COL6A5: variants seen among roughly 807,000 people sequenced by gnomAD.
COL6A5 encodes the protein collagen type VI alpha 5 chain.
A neutral mutation model predicts 65.6 loss-of-function variants in COL6A5; 48 were observed. The observed-to-expected ratio is 0.73, with a 90% CI of 0.58 to 0.93. The LOEUF is 0.93. COL6A5 is among the 40% of genes least tolerant of loss of function. The pLI, the probability that COL6A5 is intolerant of heterozygous loss-of-function variation, is 0.00. For missense variants in COL6A5, 914 were observed against 928.3 expected (o/e 0.98, Z 0.20); for synonymous variants, 291 against 322.8 (o/e 0.90, Z 1.05).
chr3:130,376,918 T>C (rs540088028), intron 3 of COL6A5, 82 bp downstream of exon 3: 14 of 1,388,584 alleles, frequency 1.0e-5, no homozygotes, highest in Non-Finnish European at 1.2e-5. Context: ...CAACTCATGT[T>C]AGGTTTTCAT....
chr3:130,384,247 G>A (rs1240754648), intron 4 of COL6A5, among the ~76,000 whole-genome samples: 2 of 151,996 alleles, frequency 1.3e-5, no homozygotes, highest in African/African-American at 2.4e-5. Context: ...TGAGGGAGAC[G>A]AAGAATTGCT....
At chr3:130,350,991 T>C (rs1030171073) in intron 1 of COL6A5, among the ~76,000 whole-genome samples, 40 of 151,704 alleles carry the variant, frequency 2.6e-4, no homozygotes, top group African/African-American at 8.9e-4. Context: ...CAGAACAGAG[T>C]CCTCAGAAAT....
intron 1 of COL6A5, among the ~76,000 whole-genome samples, chr3:130,367,317 C>T (rs1353984506): frequency 1.3e-5 from 2 of 152,306 alleles, no homozygotes; most frequent in South Asian, 4.2e-4. Context: ...GTTGTAGACA[C>T]CTCTCTACCT....
rs1245105219 is a variant in COL6A5 at position 130,365,631 on chromosome 3, A to G, written c.-28-7980A>G. On this transcript the variant is annotated intron_variant and NMD_transcript_variant, in intron 1 of 41. Transcript: ENST00000312481. The stretch of plus-strand genomic sequence containing the variant: ...AAACTTCTCAACAACACAATGTTAT[A>G]GCTGTTATTGACCACAACTTACAGA... 5.9e-5 allele frequency among the ~76,000 whole-genome samples: 9 copies of G among 152,220 alleles called. 2 individuals are homozygous for G. Among genetic ancestry groups the G allele is most frequent in the Admixed American group, 5.9e-4 (9 of 15,284 alleles).
intron 7 of COL6A5, among the ~76,000 whole-genome samples, chr3:130,481,701 G>A (rs1260424310): frequency 1.3e-5 from 2 of 152,114 alleles, no homozygotes; most frequent in African/African-American, 4.8e-5. Context: ...ATCCTCACCA[G>A]CATCTGTTGT....
chr3:130,436,256 AT>A (rs1310402882), intron 1 of COL6A5, among the ~76,000 whole-genome samples: 1 of 150,386 alleles, frequency 6.6e-6, no homozygotes, highest in Admixed American at 6.6e-5. Flanking sequence ...ATTATCATTT[AT>A]TTATTATTAT....
intron 4 of COL6A5, among the ~76,000 whole-genome samples, chr3:130,451,605 A>G (rs549009626): frequency 6.6e-6 from 1 of 152,226 alleles, no homozygotes; most frequent in African/African-American, 2.4e-5. Context: ...GAGAATAATT[A>G]GCATATATAT....
chr3:130,397,946 C>G (rs925762589), intron 9 of COL6A5, 23 bp downstream of exon 9: 1 of 1,545,274 alleles, frequency 6.5e-7, no homozygotes, highest in African/African-American at 1.4e-5. Context: ...CATTCTATCT[C>G]CCATCTCCAC....
In COL6A5 at chr3:130,372,470, C is replaced by A. The variant is rs1287370478; in HGVS notation, c.-28-1141C>A. Among the ~76,000 whole-genome samples, 5 of 151,908 alleles carry A rather than the reference C, an allele frequency of 3.3e-5. No homozygotes were observed. In the South Asian group the frequency reaches 8.3e-4, roughly 25 times the overall value. On this transcript the variant is annotated intron_variant and NMD_transcript_variant, in intron 1 of 41. Coordinates refer to the COL6A5 transcript ENST00000312481. ...ATATATATATATATCTATATCCATA[C>A]AATGGAATATTACTCAGCCATAAAA... is the stretch of plus-strand genomic sequence containing the variant.
At chr3:130,440,453 C>T in exon 3 of COL6A5, 1 of 1,613,684 alleles carries the variant, frequency 6.2e-7, no homozygotes, top group Non-Finnish European at 8.5e-7. Flanking sequence ...TGACAACCAA[C>T]TCCTAATGAA....
At chr3:130,416,875 A>C (rs552209479) in intron 24 of COL6A5, 56 bp downstream of exon 24, 1 of 885,260 alleles carries the variant, frequency 1.1e-6, no homozygotes, top group South Asian at 1.7e-5. Context: ...TATTTAATGG[A>C]TAATTAATAA....
chr3:130,397,653 C>T, exon 9 of COL6A5: 2 of 1,551,626 alleles, frequency 1.3e-6, no homozygotes, highest in Non-Finnish European at 1.7e-6. Context: ...TGTTCCAGGG[C>T]CACCCCCAGC....
chr3:130,411,678 G>A (rs1301508662), intron 20 of COL6A5, among the ~76,000 whole-genome samples: 1 of 152,094 alleles, frequency 6.6e-6, no homozygotes, highest in Non-Finnish European at 1.5e-5. Flanking sequence ...GTGTATTTTT[G>A]TTGGTTTAAG....
chr3:130,449,171 G>A lies in COL6A5; in HGVS notation c.1332+5605G>A, dbSNP rs192795640. ...ACTGCTAAATCCAAATGGGTATGTC[G>A]GATTTCCATTGTAAAGGGATAGGAT... On this transcript the variant is annotated intron_variant, in intron 4 of 7. Coordinates refer to ENST00000512836, the Ensembl canonical transcript of COL6A5. 1.3e-3 allele frequency among the ~76,000 whole-genome samples: 202 copies of A among 152,218 alleles called. 1 individual carries two copies. Among genetic ancestry groups the A allele is most frequent in the South Asian group, 8.1e-3 (39 of 4,814 alleles).
At chr3:130,421,274 A>G (rs1455450327) in intron 26 of COL6A5, 51 bp from the exon 27 acceptor site, 12 of 1,546,956 alleles carry the variant, frequency 7.8e-6, no homozygotes, top group Non-Finnish European at 1.1e-5. Context: ...AAATGTTCAT[A>G]CTGCAGAAGT....
At chr3:130,388,433 A>G (rs953839617) in intron 5 of COL6A5, 147 bp from the exon 6 acceptor site, 14 of 680,098 alleles carry the variant, frequency 2.1e-5, no homozygotes, top group Admixed American at 9.9e-5. Flanking sequence ...TCTACTAAAG[A>G]AGCAAATACA....
At chr3:130,385,595 A>G (rs968054632) in intron 5 of COL6A5, among the ~76,000 whole-genome samples, 1 of 152,014 alleles carries the variant, frequency 6.6e-6, no homozygotes, top group Admixed American at 6.6e-5. Flanking sequence ...ATAAGTGGGA[A>G]GGTTGCTAAG....
chr3:130,389,984 C>T (rs1936336589), intron 6 of COL6A5, among the ~76,000 whole-genome samples: 1 of 152,110 alleles, frequency 6.6e-6, no homozygotes, highest in Non-Finnish European at 1.5e-5. Context: ...CAAAATTATG[C>T]ATGTGGAATT....
rs1936642139 is a variant in COL6A5 at position 130,397,482 on chromosome 3, C to A, written c.3569-101C>A. On this transcript the variant is annotated intron_variant and NMD_transcript_variant, in intron 8 of 41. Coordinates refer to the COL6A5 transcript ENST00000312481. ...TTGAACACTATTTGGGGACTAGAGA[C>A]CCTCTAGCTCTGGGGCATGACAGTG... 9.8e-6 allele frequency: 8 copies of A among 819,346 alleles called. No individual in the cohort carries two copies. The East Asian group carries it at 1.9e-4, about 19-fold the overall frequency. The allele number at this position is 819,346 out of a possible 1,614,324, so 50.8% of individuals were successfully genotyped here.
Sources: allele counts gnomAD v4.1 joint callset (sites outside exome capture counted in the v4.1 genomes callset), GRCh38; gene constraint gnomAD v4.1.1; transcripts MANE v1.5; gene names NCBI Gene and HGNC (gene_info 2026-07-23, HGNC 2026-07-21).